ADGRB3: variants seen among roughly 807,000 people sequenced by gnomAD.
ADGRB3 encodes brain-specific angiogenesis inhibitor 3.
In ADGRB3, 37 loss-of-function variants were observed where a neutral mutation model predicts 193.4. That is an observed-to-expected ratio of 0.19 (90% confidence interval 0.15 to 0.25). ADGRB3 has a LOEUF of 0.25. ADGRB3 is among the 10% of genes least tolerant of loss of function. The pLI is 1.00. For synonymous variants in ADGRB3, 690 were observed against 644.2 expected (o/e 1.07, Z -1.08); for missense variants, 1,637 against 1,852.9 (o/e 0.88, Z 2.14).
intron 3 of ADGRB3, among the ~76,000 whole-genome samples, chr6:68,782,811 G>A (rs1766882690): frequency 6.6e-6 from 1 of 151,572 alleles, no homozygotes; most frequent in Non-Finnish European, 1.5e-5. Flanking sequence ...CCCACTTTTT[G>A]ATGGGGTTGT....
At chr6:69,289,898 A>C (rs1305074963) in intron 20 of ADGRB3, among the ~76,000 whole-genome samples, 1 of 152,012 alleles carries the variant, frequency 6.6e-6, no homozygotes, top group African/African-American at 2.4e-5. Context: ...TGTGTGGCAC[A>C]GCCATTAGAG....
intron 3 of ADGRB3, among the ~76,000 whole-genome samples, chr6:68,849,439 AAC>A (rs1031184319): frequency 6.6e-6 from 1 of 152,018 alleles, no homozygotes; most frequent in Non-Finnish European, 1.5e-5. Flanking sequence ...ATAAGTGTTA[AAC>A]ACTGAAATTA....
At chr6:69,296,056 G>C (rs1190893722) in intron 20 of ADGRB3, among the ~76,000 whole-genome samples, 1 of 152,132 alleles carries the variant, frequency 6.6e-6, no homozygotes, top group African/African-American at 2.4e-5. Context: ...TAGCTTGTCT[G>C]TGGAGTTATG....
intron 5 of ADGRB3, among the ~76,000 whole-genome samples, chr6:68,939,176 T>C (rs1244358694): frequency 6.6e-6 from 1 of 152,178 alleles, no homozygotes; most frequent in Non-Finnish European, 1.5e-5. Context: ...GTGTCCGATG[T>C]CCAGAAGGCT....
chr6:68,970,543 T>C (rs1768529785), intron 8 of ADGRB3, among the ~76,000 whole-genome samples: 1 of 152,256 alleles, frequency 6.6e-6, no homozygotes, highest in African/African-American at 2.4e-5. Context: ...CCTGACCTCA[T>C]GATCTGCCCG....
chr6:68,841,278 A>G (rs1289181364), intron 3 of ADGRB3, among the ~76,000 whole-genome samples: 13 of 152,184 alleles, frequency 8.5e-5, no homozygotes, highest in Non-Finnish European at 1.9e-4. Context: ...AGATCATTTC[A>G]TCTAGCAGCT....
chr6:69,084,624 G>C (rs1772493615), intron 17 of ADGRB3, among the ~76,000 whole-genome samples: 2 of 151,894 alleles, frequency 1.3e-5, no homozygotes, highest in African/African-American at 4.8e-5. Flanking sequence ...TAGGAGATAG[G>C]GGCTTTCAGT....
chr6:69,215,029 G>C (rs1014390764), intron 17 of ADGRB3, among the ~76,000 whole-genome samples: 1 of 151,774 alleles, frequency 6.6e-6, no homozygotes, highest in African/African-American at 2.4e-5. Context: ...CTAAATTGAG[G>C]GACATTCCAC....
At chr6:69,127,194 G>A (rs1260927528) in intron 17 of ADGRB3, among the ~76,000 whole-genome samples, 1 of 152,176 alleles carries the variant, frequency 6.6e-6, no homozygotes, top group East Asian at 1.9e-4. Context: ...TTTCCTGGTT[G>A]CAGGACCCCT....
intron 17 of ADGRB3, among the ~76,000 whole-genome samples, chr6:69,091,018 A>C (rs575298642): frequency 1.3e-5 from 2 of 152,226 alleles, no homozygotes; most frequent in Non-Finnish European, 2.9e-5. Context: ...ACATACATGC[A>C]GCCAATAATC....
intron 3 of ADGRB3, among the ~76,000 whole-genome samples, chr6:68,885,130 A>C (rs1234287400): frequency 6.6e-6 from 1 of 152,208 alleles, no homozygotes; most frequent in Non-Finnish European, 1.5e-5. Flanking sequence ...AGAGGTCCCC[A>C]GTGGTCAGGG....
At chr6:69,014,814 T>A (rs2150285622) in intron 12 of ADGRB3, among the ~76,000 whole-genome samples, 1 of 152,070 alleles carries the variant, frequency 6.6e-6, no homozygotes, top group East Asian at 1.9e-4. Context: ...AGGTTTTCTA[T>A]TTGACTCTTG....
chr6:68,984,717 TA>T (rs1769021233), intron 10 of ADGRB3, among the ~76,000 whole-genome samples: 1 of 152,020 alleles, frequency 6.6e-6, no homozygotes, highest in Admixed American at 6.6e-5. Context: ...CATGAAAAAT[TA>T]AAGAAAACCC....
At chr6:69,366,843 C>T (rs1258518224) in intron 29 of ADGRB3, among the ~76,000 whole-genome samples, 1 of 152,046 alleles carries the variant, frequency 6.6e-6, no homozygotes, top group Non-Finnish European at 1.5e-5. Flanking sequence ...AATCATTTAC[C>T]AATAATTTTG....
At chr6:68,918,564 T>G (rs896437630) in intron 3 of ADGRB3, among the ~76,000 whole-genome samples, 2 of 152,176 alleles carry the variant, frequency 1.3e-5, no homozygotes, top group African/African-American at 4.8e-5. Flanking sequence ...TATCTTTAAT[T>G]TAGTATAAAT....
chr6:69,281,300 T>G (rs957119899), intron 20 of ADGRB3, among the ~76,000 whole-genome samples: 3 of 152,174 alleles, frequency 2.0e-5, no homozygotes, highest in Admixed American at 2.0e-4. Flanking sequence ...TTAGAAAATT[T>G]GAGCCTATCT....
chr6:69,202,714 A>G (rs144043990), intron 17 of ADGRB3, among the ~76,000 whole-genome samples: 71 of 152,264 alleles, frequency 4.7e-4, no homozygotes, highest in African/African-American at 1.6e-3. Context: ...AACATTTCTT[A>G]TAACTACTGA....
intron 3 of ADGRB3, among the ~76,000 whole-genome samples, chr6:68,781,929 T>C (rs1481176919): frequency 1.3e-5 from 2 of 152,118 alleles, no homozygotes. Context: ...TAAACCTCAG[T>C]TCAAATGTGC....
At chr6:69,264,782 C>A (rs1023540880) in intron 20 of ADGRB3, among the ~76,000 whole-genome samples, 66 of 151,560 alleles carry the variant, frequency 4.4e-4, no homozygotes, top group African/African-American at 1.5e-3. Flanking sequence ...TACACAGTTA[C>A]TGAGAAAAAA....
Sources: allele counts gnomAD v4.1 joint callset (sites outside exome capture counted in the v4.1 genomes callset), GRCh38; gene constraint gnomAD v4.1.1; transcripts MANE v1.5; gene names NCBI Gene and HGNC (gene_info 2026-07-23, HGNC 2026-07-21).